LACC1: variants seen among roughly 807,000 people sequenced by gnomAD.
LACC1 encodes purine nucleoside phosphorylase LACC1.
In LACC1, 25 loss-of-function variants were observed where a neutral mutation model predicts 34.8. The observed-to-expected ratio is 0.72, with a 90% confidence interval of 0.52 to 1.00. The LOEUF (loss-of-function observed/expected upper bound fraction) is 1.00. Among genes scored for constraint, LACC1 ranks in the 50% least tolerant of loss-of-function variants. The pLI is 0.00. For synonymous variants in LACC1, 162 were observed against 168.0 expected (o/e 0.96, Z 0.28); for missense variants, 426 against 511.2 (o/e 0.83, Z 1.61).
intron 4 of LACC1, 129 bp from the exon 5 acceptor site, chr13:43,888,628 T>C (rs1955437967): frequency 2.8e-6 from 2 of 706,400 alleles, no homozygotes; most frequent in Non-Finnish European, 4.8e-6. Flanking sequence ...CACATGATAA[T>C]GTAATTTATT....
Position 43,881,154 on chromosome 13 carries a change from G to A in LACC1, c.169G>A (p.Glu57Lys). ...CSNISYERDG[E>K]QDNCEIETSN... is the part of the protein sequence containing the mutation. ...TAACATCAGCTATGAAAGGGATGGA[G>A]AACAAGATAATTGTGAAATAGAAAC... The change falls in exon 2 of 7, where the codon GAA becomes AAA. Residue 57 changes from glutamate to lysine, a missense_variant. Coordinates refer to ENST00000325686, the MANE Select transcript of LACC1 (RefSeq NM_153218.4). 1 of 1,614,146 alleles carries A rather than the reference G, an allele frequency of 6.2e-7. No homozygotes were observed. The highest frequency in any genetic ancestry group is 8.5e-7 in the Non-Finnish European group (1 of 1,180,016).
At chr13:43,888,021 G>A (rs765368636) in intron 4 of LACC1, among the ~76,000 whole-genome samples, 36 of 152,110 alleles carry the variant, frequency 2.4e-4, no homozygotes, top group Non-Finnish European at 4.1e-4. Flanking sequence ...ACGATTATTC[G>A]CAATAGCCAA....
In LACC1 at chr13:43,881,216, G is replaced by C; in HGVS notation, c.231G>C (p.Glu77Asp). The C allele has an allele frequency of 6.2e-7, 1 of 1,614,166 alleles. No individual in the cohort carries two copies. The change falls in exon 2 of 7, where the codon GAG becomes GAC. Residue 77 changes from glutamate (E) to aspartate (D), a missense_variant. By Grantham distance (45) the Glu-to-Asp change is conservative (BLOSUM62 2). This residue lies in a region of LACC1 where 217 missense variants were observed against 210.9 expected (regional missense o/e 1.03). Coordinates refer to ENST00000325686, the MANE Select transcript of LACC1 (RefSeq NM_153218.4). ...TATCAGCTCTCTTGGAAGAATTTGA[G>C]ATTGTTAGCTGTCCCAGCATGGCTG... The part of the protein sequence containing the change: ...NGLSALLEEF[E>D]IVSCPSMAAT...
chr13:43,882,564 GATATATATAT>G (rs56292789), intron 3 of LACC1, among the ~76,000 whole-genome samples: 9 of 139,116 alleles, frequency 6.5e-5, no homozygotes, highest in African/African-American at 2.3e-4. Flanking sequence ...CACACGTGCA[GATATATATAT>G]ATATATATAT....
At position 43,879,968 on chromosome 13, in the gene LACC1, G is replaced by C. The variant is rs1954904418; in HGVS notation, c.-186G>C. On this transcript the variant is annotated 5_prime_UTR_variant, in exon 1 of 7. Transcript: ENST00000325686. ...TTGTCACAGAGGTCGCCGTAGACCG[G>C]TGTGCAACCGAAGGTGAAGAGCGGG... The C allele has an allele frequency of 6.6e-6, 1 of 152,576 alleles. No homozygotes were observed. The highest frequency in any genetic ancestry group is 1.9e-4 in the East Asian group (1 of 5,274). 9.5% of individuals were successfully genotyped at this position (152,576 alleles called of 1,614,324 possible). A position where few individuals can be genotyped will look rare whatever the true frequency, so the allele number is the denominator to read the frequency against.
chr13:43,879,975 A>G lies in LACC1; in HGVS notation c.-179A>G, dbSNP rs1192143147. ...AGAGGTCGCCGTAGACCGGTGTGCA[A>G]CCGAAGGTGAAGAGCGGGAAGGCGA... is the stretch of plus-strand genomic sequence containing the variant. On this transcript the variant is annotated 5_prime_UTR_variant, in exon 1 of 7. Transcript: ENST00000325686. The G allele has an allele frequency of 6.6e-6, 1 of 152,434 alleles. No individual in the cohort carries two copies. Among genetic ancestry groups the G allele is most frequent in the Non-Finnish European group, 1.5e-5 (1 of 68,226 alleles). The allele number at this position is 152,434 out of a possible 1,614,324, so 9.4% of individuals were successfully genotyped here. A position where few individuals can be genotyped will look rare whatever the true frequency, so the allele number is the denominator to read the frequency against.
chr13:43,887,652 A>G (rs944401037), intron 4 of LACC1, among the ~76,000 whole-genome samples: 7 of 152,174 alleles, frequency 4.6e-5, no homozygotes, highest in Non-Finnish European at 1.0e-4. Flanking sequence ...ACTGCAAAAC[A>G]TTGCTGAAGG....
Position 43,881,071 on chromosome 13 carries a change from A to G in LACC1, c.86A>G (p.Asn29Ser). Residue 29 changes from asparagine (N) to serine (S), a missense_variant, in exon 2 of 7, where the codon AAT becomes AGT. By Grantham distance (46) the Asn-to-Ser change is conservative. This residue lies in a region of LACC1 where 217 missense variants were observed against 210.9 expected (regional missense o/e 1.03). Coordinates refer to ENST00000325686, the MANE Select transcript of LACC1 (RefSeq NM_153218.4). ...NCHQTLLKTL[N>S]AVQYHHAAKA... ...CATCAGACATTACTGAAGACTTTGA[A>G]TGCTGTCCAATACCACCATGCTGCC... The G allele has an allele frequency of 6.2e-7, 1 of 1,614,182 alleles. No individual in the cohort carries two copies. The highest frequency in any genetic ancestry group is 8.5e-7 in the Non-Finnish European group (1 of 1,180,026).
upstream of LACC1, chr13:43,879,775 A>AGGTGAGGCGG (rs1954851090): frequency 1.3e-5 from 1 of 77,096 alleles, no homozygotes; most frequent in African/African-American, 5.4e-5. Context: ...GAGGGGGGCG[A>AGGTGAGGCGG]GGTGAGGCGG....
At chr13:43,889,021 C>G in intron 5 of LACC1, 39 bp downstream of exon 5, 1 of 1,478,974 alleles carries the variant, frequency 6.8e-7, no homozygotes, top group African/African-American at 1.4e-5. Context: ...TTGATTATTT[C>G]TGATTGTTCT....
At chr13:43,880,650 T>G (rs1223812669) in intron 1 of LACC1, among the ~76,000 whole-genome samples, 5 of 152,220 alleles carry the variant, frequency 3.3e-5, no homozygotes, top group Non-Finnish European at 7.3e-5. Context: ...AACAGGACTT[T>G]GTCTAAACTC....
intron 5 of LACC1, among the ~76,000 whole-genome samples, chr13:43,889,186 G>A (rs1955461584): frequency 6.6e-6 from 1 of 152,012 alleles, no homozygotes; most frequent in Non-Finnish European, 1.5e-5. Context: ...TTCCTGTCTG[G>A]TATCTTTCAT....
chr13:43,881,562 A>T lies in LACC1; in HGVS notation c.562+15A>T. The T allele has an allele frequency of 6.5e-7, 1 of 1,546,592 alleles. No individual in the cohort carries two copies. The highest frequency in any genetic ancestry group is 8.7e-7 in the Non-Finnish European group (1 of 1,145,010). On this transcript the variant is annotated intron_variant, in intron 2 of 6. Coordinates refer to ENST00000325686, the MANE Select transcript of LACC1 (RefSeq NM_153218.4). ...TTTGATCCCAGGTATATTAACCACT[A>T]ACTGTTGTTTTTACTTTGTACATGG... is the stretch of plus-strand genomic sequence containing the variant.
intron 2 of LACC1, among the ~76,000 whole-genome samples, chr13:43,881,939 G>C (rs1173215078): frequency 6.6e-6 from 1 of 152,116 alleles, no homozygotes; most frequent in Non-Finnish European, 1.5e-5. Context: ...TATTTTCTGT[G>C]AGCTATATGC....
intron 3 of LACC1, among the ~76,000 whole-genome samples, 187 bp downstream of exon 3, chr13:43,882,550 C>A (rs1467276601): frequency 3.2e-5 from 4 of 124,558 alleles, no homozygotes; most frequent in African/African-American, 1.2e-4. Context: ...TATACACACA[C>A]ACACACACGT....
At position 43,893,565 on chromosome 13, in the gene LACC1, C is replaced by T. The variant is rs1309222240; in HGVS notation, c.*2118C>T. 6.6e-6 allele frequency: 1 copy of T among 151,840 alleles called. No homozygotes were observed. Among genetic ancestry groups the T allele is most frequent in the African/African-American group, 2.4e-5 (1 of 41,370 alleles). The allele number at this position is 151,840 out of a possible 1,614,324, so 9.4% of individuals were successfully genotyped here. A position where few individuals can be genotyped will look rare whatever the true frequency, so the allele number is the denominator to read the frequency against. On this transcript the variant is annotated 3_prime_UTR_variant, in exon 7 of 7. Transcript: ENST00000325686. ...CAGTGAAAAGTGACAGTCAGTAAAC[C>T]AACAATCTCAATACTTTGATATATG...
At chr13:43,883,748 T>G in intron 3 of LACC1, 23 bp from the exon 4 acceptor site, 1 of 1,571,918 alleles carries the variant, frequency 6.4e-7, no homozygotes, top group South Asian at 1.2e-5. Context: ...CAAAACATTT[T>G]TGTTGCACAT....
intron 4 of LACC1, among the ~76,000 whole-genome samples, chr13:43,886,274 A>T (rs949111693): frequency 4.6e-5 from 7 of 152,230 alleles, no homozygotes; most frequent in Non-Finnish European, 8.8e-5. Flanking sequence ...CCAAAGGAAT[A>T]TAAATTATTC....
chr13:43,879,580 G>A (rs998079228), upstream of LACC1: 1 of 152,146 alleles, frequency 6.6e-6, no homozygotes. Flanking sequence ...CCCAGCTCTC[G>A]CGCTGGGCCC....
Sources: allele counts gnomAD v4.1 joint callset (sites outside exome capture counted in the v4.1 genomes callset), GRCh38; gene constraint gnomAD v4.1.1; regional missense constraint gnomAD v4.1.1; transcripts MANE v1.5; gene names NCBI Gene and HGNC (gene_info 2026-07-23, HGNC 2026-07-21).